The following SUPT20H variants were observed in gnomAD, a reference collection of about 807,000 sequenced individuals.
SUPT20H encodes SPT20 homolog, SAGA complex component.
SUPT20H carries 82 observed loss-of-function variants against 122.8 expected under a neutral mutation model. The ratio of observed to expected loss-of-function variants is 0.67; its 90% CI spans 0.56 to 0.80. The LOEUF is 0.80. SUPT20H is among the 30% of genes least tolerant of loss of function. The pLI, the probability that SUPT20H is intolerant of heterozygous loss-of-function variation, is 0.00. For synonymous variants in SUPT20H, 291 were observed against 313.0 expected, an observed-to-expected ratio of 0.93 and a Z score of 0.74; for missense variants, 831 against 921.6, an observed-to-expected ratio of 0.90 and a Z score of 1.27.
intron 5 of SUPT20H, among the ~76,000 whole-genome samples, chr13:37,045,916 G>A (rs943897484): frequency 6.6e-6 from 1 of 151,958 alleles, no homozygotes; most frequent in Non-Finnish European, 1.5e-5. Flanking sequence ...TAAGCAATTT[G>A]GACATTTTCT....
chr13:37,028,398 G>T, intron 13 of SUPT20H, 93 bp from the exon 14 acceptor site: 16 of 1,176,584 alleles, frequency 1.4e-5, no homozygotes, highest in Non-Finnish European at 1.8e-5. Context: ...ACAGTAACAT[G>T]TATCTGACGA....
At chr13:37,012,443 T>C in intron 23 of SUPT20H, 146 bp from the exon 24 acceptor site, 1 of 532,242 alleles carries the variant, frequency 1.9e-6, no homozygotes, top group Non-Finnish European at 3.3e-6. Context: ...ACTTCAAAGG[T>C]ATTTAGAATA....
At position 37,040,682 on chromosome 13, in the gene SUPT20H, A is replaced by T; in HGVS notation, c.407T>A (p.Phe136Tyr). Residue 136 changes from phenylalanine (F) to tyrosine (Y), a missense_variant, in exon 8 of 26, where the codon TTT becomes TAT. Transcript: ENST00000350612. ...DLLEKSQVNI[F>Y]HCGCVIAEIR... The stretch of plus-strand genomic sequence containing the variant: ...TTCTGCTATGACACATCCGCAATGA[A>T]AAATATTAACCTGTTTGGGCAAAAA... 6.2e-7 allele frequency: 1 copy of T among 1,613,288 alleles called. No individual in the cohort carries two copies. The highest frequency in any genetic ancestry group is 1.1e-5 in the South Asian group (1 of 90,748).
intron 24 of SUPT20H, 160 bp from the exon 25 acceptor site, chr13:37,010,815 C>G (rs948953893): frequency 3.6e-6 from 2 of 550,886 alleles, no homozygotes; most frequent in African/African-American, 3.8e-5. Flanking sequence ...AGTATATGGT[C>G]TCCTGTTAGT....
intron 21 of SUPT20H, among the ~76,000 whole-genome samples, chr13:37,020,327 C>T (rs2061300724): frequency 6.6e-6 from 1 of 151,956 alleles, no homozygotes; most frequent in South Asian, 2.1e-4. Context: ...AAGAAAATGG[C>T]TTAACCCCCT....
Position 37,024,431 on chromosome 13 carries a change from G to A in SUPT20H, c.1341C>T (p.Thr447=), listed in dbSNP as rs1379900712. The part of the protein sequence containing the change: ...SPGKETDQTE[T]VSVQSSVLGK... ...CCAATACCGAAGACTGAACTGACAC[G>A]GTTTCAGTTTGCTAAAAGACAATGA... The change falls in exon 18 of 26, where the codon ACC becomes ACT. Residue 447 remains threonine (T), a synonymous_variant. Transcript: ENST00000350612. 9 of 1,551,882 alleles carry A rather than the reference G, an allele frequency of 5.8e-6. No homozygotes were observed. Among genetic ancestry groups the A allele is most frequent in the South Asian group, 2.5e-5 (2 of 79,218 alleles).
intron 1 of SUPT20H, among the ~76,000 whole-genome samples, chr13:37,052,828 T>C (rs1041181040): frequency 2.6e-5 from 4 of 151,618 alleles, no homozygotes; most frequent in East Asian, 3.9e-4. Context: ...AACTTAAATT[T>C]AGAAGAAAAA....
At chr13:37,044,532 T>C (rs1478495273) in intron 6 of SUPT20H, among the ~76,000 whole-genome samples, 1 of 152,148 alleles carries the variant, frequency 6.6e-6, no homozygotes, top group African/African-American at 2.4e-5. Flanking sequence ...GACAATTTGG[T>C]GCCTTATCTG....
Position 37,012,210 on chromosome 13 carries a change from T to C in SUPT20H, c.2080A>G (p.Met694Val), listed in dbSNP as rs1045421830. Residue 694 changes from methionine (M) to valine (V), a missense_variant, in exon 24 of 26, where the codon ATG (methionine) becomes GTG (valine). Met to Val is a conservative substitution (Grantham distance 21). Coordinates refer to ENST00000350612, the MANE Select transcript of SUPT20H (RefSeq NM_001014286.3). The stretch of plus-strand genomic sequence containing the variant: ...TACCTACCAGCTGCCTGTGACTGCA[T>C]AAAACTTCCTACTCCAGTAAGGTTA... ...VINLTGVGSF[M>V]QSQAAVLSQL... 5 of 1,613,178 alleles carry C rather than the reference T, an allele frequency of 3.1e-6. No homozygotes were observed. In the African/African-American group the frequency reaches 6.7e-5, roughly 22 times the overall value.
intron 7 of SUPT20H, among the ~76,000 whole-genome samples, chr13:37,041,208 T>C (rs2065404625): frequency 6.6e-6 from 1 of 152,208 alleles, no homozygotes; most frequent in South Asian, 2.1e-4. Context: ...GGAAGCTAAA[T>C]ATAAAATTCA....
intron 1 of SUPT20H, among the ~76,000 whole-genome samples, chr13:37,054,346 G>A (rs1452832050): frequency 6.6e-6 from 1 of 152,202 alleles, no homozygotes; most frequent in Non-Finnish European, 1.5e-5. Context: ...TATCCCTGAT[G>A]AACATCGATG....
At chr13:37,050,537 T>C (rs1178123870) in intron 2 of SUPT20H, among the ~76,000 whole-genome samples, 1 of 152,128 alleles carries the variant, frequency 6.6e-6, no homozygotes, top group African/African-American at 2.4e-5. Context: ...AATTTGTTTG[T>C]ATCAAAAAAT....
At chr13:37,032,992 G>A (rs1344667941) in intron 10 of SUPT20H, among the ~76,000 whole-genome samples, 1 of 151,872 alleles carries the variant, frequency 6.6e-6, no homozygotes, top group Non-Finnish European at 1.5e-5. Context: ...TCATTAGTAG[G>A]AAAATAATGA....
At chr13:37,010,913 G>C (rs1272685651) in intron 24 of SUPT20H, 6 of 305,728 alleles carry the variant, frequency 2.0e-5, no homozygotes, top group Non-Finnish European at 3.1e-5. Context: ...CTCTTCTCTT[G>C]CATCTGTATA....
At chr13:37,042,809 C>T (rs1306059207) in intron 7 of SUPT20H, among the ~76,000 whole-genome samples, 1 of 152,112 alleles carries the variant, frequency 6.6e-6, no homozygotes, top group African/African-American at 2.4e-5. Flanking sequence ...GTAACAAGAG[C>T]AGTAGTTGGA....
At chr13:37,032,667 C>G (rs1487654139) in intron 10 of SUPT20H, among the ~76,000 whole-genome samples, 1 of 152,082 alleles carries the variant, frequency 6.6e-6, no homozygotes, top group African/African-American at 2.4e-5. Context: ...ACTGGGAGCC[C>G]CCAGACTTTT....
intron 1 of SUPT20H, among the ~76,000 whole-genome samples, chr13:37,053,495 G>A (rs1396276132): frequency 6.6e-6 from 1 of 151,934 alleles, no homozygotes; most frequent in Non-Finnish European, 1.5e-5. Flanking sequence ...GACACAGGGA[G>A]GGGAACATCA....
In SUPT20H at chr13:37,043,910, C is replaced by T. The variant is rs550547613; in HGVS notation, c.396+168G>A. On this transcript the variant is annotated intron_variant, in intron 7 of 25. Transcript: ENST00000350612. ...GAGCCACCAAAGCCCAGCCTGATTT[C>T]ATGTTCTAAAGGCTGTTGGGAACAG... Among the ~76,000 whole-genome samples the T allele has an allele frequency of 2.0e-5, 3 of 151,916 alleles. No individual in the cohort carries two copies. In the South Asian group the frequency reaches 6.3e-4, roughly 32 times the overall value.
intron 3 of SUPT20H, among the ~76,000 whole-genome samples, 158 bp downstream of exon 3, chr13:37,048,406 C>T (rs991793481): frequency 6.6e-6 from 1 of 152,074 alleles, no homozygotes; most frequent in Non-Finnish European, 1.5e-5. Context: ...ATCCAAATAT[C>T]ACCTGGTATT....
Sources: allele counts gnomAD v4.1 joint callset (sites outside exome capture counted in the v4.1 genomes callset), GRCh38; gene constraint gnomAD v4.1.1; transcripts MANE v1.5; gene names NCBI Gene and HGNC (gene_info 2026-07-23, HGNC 2026-07-21).